The following MCF2L variants were observed in gnomAD, a reference collection of about 807,000 sequenced individuals.
MCF2L encodes MCF.2 cell line derived transforming sequence like.
Under a neutral mutation model 153.4 loss-of-function variants are expected in MCF2L, and 97 were observed. That is an observed-to-expected ratio of 0.63 (90% CI 0.54 to 0.75). The LOEUF is 0.75. Ranked by LOEUF, MCF2L falls within the 30% of genes least tolerant of loss-of-function variation. MCF2L has a pLI of 0.00. For missense variants in MCF2L, 1,347 were observed against 1,495.2 expected (o/e 0.90, Z 1.64); for synonymous variants, 659 against 632.2 (o/e 1.04, Z -0.64).
chr13:112,968,767 C>T, upstream of MCF2L: 2 of 1,358,100 alleles, frequency 1.5e-6, no homozygotes, highest in Non-Finnish European at 1.9e-6. Flanking sequence ...TGCACTCGCT[C>T]GGTCCACTCG....
intron 8 of MCF2L, 71 bp from the exon 9 acceptor site, chr13:113,069,988 A>G: frequency 9.5e-7 from 1 of 1,049,968 alleles, no homozygotes; most frequent in African/African-American, 1.6e-5. Flanking sequence ...GGTCGCTTGA[A>G]CACCCACCGC....
At chr13:112,994,288 G>C (rs983933219) in intron 1 of MCF2L, among the ~76,000 whole-genome samples, 1 of 152,050 alleles carries the variant, frequency 6.6e-6, no homozygotes, top group Non-Finnish European at 1.5e-5. Flanking sequence ...CGGCGTGACG[G>C]GGCGCGGCGC....
rs575654922 is a variant in MCF2L, at chr13:112,958,657, A to C, written c.170-56106A>C. Among the ~76,000 whole-genome samples, 204 of 152,244 alleles carry C rather than the reference A, an allele frequency of 1.3e-3. 1 individual carries two copies. The highest frequency in any genetic ancestry group is 4.8e-3 in the African/African-American group (198 of 41,512). On this transcript the variant is annotated intron_variant, in intron 2 of 29. Transcript: ENST00000375608. Reference sequence around the variant, plus strand: ...CCTGGCACACGCCCAGGCTGACCGCATGGACCATTTGCTGTCTCCTAGGGT... The same window carrying C: ...CCTGGCACACGCCCAGGCTGACCGCCTGGACCATTTGCTGTCTCCTAGGGT...
rs2081571279 is a variant in MCF2L at position 112,941,112 on chromosome 13, A to G, written c.169+38741A>G. ...TTTACCATCTTTTCCGCAGGGTCAG[A>G]GTGGCCATCGTGCTTATCACATAAA... On this transcript the variant is annotated intron_variant, in intron 2 of 29. Transcript: ENST00000375608. This position sits in a 1 kb window ranked among gnomAD's most constrained non-coding sequence, Gnocchi z 4.9. 6.6e-6 allele frequency among the ~76,000 whole-genome samples: 1 copy of G among 152,186 alleles called. No individual in the cohort carries two copies. Among genetic ancestry groups the G allele is most frequent in the East Asian group, 1.9e-4 (1 of 5,192 alleles).
chr13:112,943,943 G>A lies in MCF2L; in HGVS notation c.169+41572G>A, dbSNP rs1008441564. 1.2e-4 allele frequency among the ~76,000 whole-genome samples: 18 copies of A among 151,976 alleles called. No individual in the cohort carries two copies. The highest frequency in any genetic ancestry group is 3.4e-4 in the African/African-American group (14 of 41,400). On this transcript the variant is annotated intron_variant, in intron 2 of 29. Coordinates refer to the MCF2L transcript ENST00000375608. The surrounding 1 kb of genome is among the most constrained non-coding windows in gnomAD (Gnocchi z 4.2). ...CCAGCATTGAGGAGCTGAGCCCTGCGGGCCAGGGGCGCAGAGAGGGTCCCG... is the reference window on the plus strand; with the variant it reads ...CCAGCATTGAGGAGCTGAGCCCTGCAGGCCAGGGGCGCAGAGAGGGTCCCG...
At chr13:112,913,184 TTGTG>T (rs1211467407) in intron 2 of MCF2L, among the ~76,000 whole-genome samples, 9 of 138,566 alleles carry the variant, frequency 6.5e-5, no homozygotes, top group African/African-American at 2.4e-4. Flanking sequence ...GTCTGTGTGA[TTGTG>T]TGTGTGTCTG....
chr13:113,024,659 A>G lies in MCF2L; in HGVS notation c.179A>G (p.Asp60Gly), dbSNP rs982002885. ...CTCTCCCCAGGTGGGCGGGGGCAGGACGGAAGCCCGGTTATCACCTTCCCT... is the reference window on the plus strand; with the variant it reads ...CTCTCCCCAGGTGGGCGGGGGCAGGGCGGAAGCCCGGTTATCACCTTCCCT... ...FAYLSGGRGQ[D>G]GSPVITFPDY... Residue 60 changes from aspartate to glycine, a missense_variant, in exon 3 of 30, where the codon GAC (aspartate) becomes GGC (glycine). Coordinates refer to ENST00000535094, the MANE Select transcript of MCF2L (RefSeq NM_001112732.3). 1.9e-6 allele frequency: 3 copies of G among 1,613,750 alleles called. No individual in the cohort carries two copies. The highest frequency in any genetic ancestry group is 2.7e-5 in the African/African-American group (2 of 74,942).
chr13:112,919,212 T>G (rs2081328101), intron 2 of MCF2L, among the ~76,000 whole-genome samples: 1 of 148,638 alleles, frequency 6.7e-6, no homozygotes. Context: ...TGCATTTTTT[T>G]TTTTTTTTTT....
chr13:113,080,360 C>T (rs986921550), intron 15 of MCF2L, among the ~76,000 whole-genome samples: 6 of 152,242 alleles, frequency 3.9e-5, no homozygotes, highest in East Asian at 1.9e-4. Flanking sequence ...GGCCCTGAGA[C>T]GCAGAAGGAG....
rs192949527 is a variant in MCF2L at position 112,907,095 on chromosome 13, C to T, written c.169+4724C>T. ...AGCATGGATGATTCCATGGCTGGACCTAATACTTCCATGCTTTATGGTAGG... is the reference window on the plus strand; with the variant it reads ...AGCATGGATGATTCCATGGCTGGACTTAATACTTCCATGCTTTATGGTAGG... On this transcript the variant is annotated intron_variant, in intron 2 of 29. Transcript: ENST00000375608. The surrounding 1 kb of genome is among the most constrained non-coding windows in gnomAD (Gnocchi z 5.1). Among the ~76,000 whole-genome samples, 6 of 152,240 alleles carry T rather than the reference C, an allele frequency of 3.9e-5. No individual in the cohort carries two copies. In the East Asian group the frequency reaches 1.2e-3, roughly 30 times the overall value.
rs137892716 is a variant in MCF2L at position 112,993,076 on chromosome 13, G to A, written c.80-21687G>A. On this transcript the variant is annotated intron_variant, in intron 1 of 29. Transcript: ENST00000535094. The surrounding 1 kb of genome is among the most constrained non-coding windows in gnomAD (Gnocchi z 4.6). ...CGGCTCGCTGCCTTGAGAAGCTCCC[G>A]CTTCTGCAGTAAGGTGGCTTTTAAG... Among the ~76,000 whole-genome samples, 786 of 152,338 alleles carry A rather than the reference G, an allele frequency of 5.2e-3. 8 individuals are homozygous for A. The highest frequency in any genetic ancestry group is 7.5e-3 in the Non-Finnish European group (512 of 68,038).
chr13:112,985,987 C>T (rs2082623047), intron 1 of MCF2L, among the ~76,000 whole-genome samples: 1 of 152,250 alleles, frequency 6.6e-6, no homozygotes, highest in East Asian at 1.9e-4. Context: ...CTGTGAGCCC[C>T]GGCCACTCTT....
In MCF2L at chr13:112,943,719, GC is replaced by G. The variant is rs1407169654; in HGVS notation, c.169+41351del. Among the ~76,000 whole-genome samples, 1 of 152,118 alleles carries G rather than the reference GC, an allele frequency of 6.6e-6. No individual in the cohort carries two copies. Among genetic ancestry groups the G allele is most frequent in the East Asian group, 1.9e-4 (1 of 5,148 alleles). On this transcript the variant is annotated intron_variant, in intron 2 of 29. Transcript: ENST00000375608. This position sits in a 1 kb window ranked among gnomAD's most constrained non-coding sequence, Gnocchi z 4.2. ...TCCTGGAGGGACCACACCGCCGGGA[GC>G]CCGAGCAGCCTGCGGTGGCTCGGCT... is the stretch of plus-strand genomic sequence containing the variant.
intron 1 of MCF2L, among the ~76,000 whole-genome samples, 190 bp from the exon 2 acceptor site, chr13:113,014,570 TCAA>T (rs2084386000): frequency 6.6e-6 from 1 of 152,160 alleles, no homozygotes; most frequent in African/African-American, 2.4e-5. Flanking sequence ...GGTGAATCAC[TCAA>T]CACACAGCTT....
At chr13:112,919,987 C>T (rs1034952258) in intron 2 of MCF2L, among the ~76,000 whole-genome samples, 1 of 152,220 alleles carries the variant, frequency 6.6e-6, no homozygotes, top group Non-Finnish European at 1.5e-5. Flanking sequence ...AGGCACCCCT[C>T]CTCCATGAAA....
intron 2 of MCF2L, among the ~76,000 whole-genome samples, chr13:112,908,226 T>G (rs2081191882): frequency 6.6e-6 from 1 of 152,194 alleles, no homozygotes; most frequent in African/African-American, 2.4e-5. Flanking sequence ...GCACAGGTGC[T>G]CTGACTCACC....
exon 2 of MCF2L, chr13:112,902,324 T>C: frequency 6.2e-7 from 1 of 1,612,934 alleles, no homozygotes; most frequent in Non-Finnish European, 8.5e-7. Context: ...GTGTCTGACG[T>C]CATCAGGCTT....
chr13:113,090,430 T>TGGGGGGGG, intron 26 of MCF2L: 2 of 975,294 alleles, frequency 2.1e-6, no homozygotes, highest in Non-Finnish European at 2.4e-6. Context: ...CCCTCCTTCC[T>TGGGGGGGG]CTCCCTGCCC....
rs1236667694 is a variant in MCF2L at position 112,987,029 on chromosome 13, C to T, written c.79+17571C>T. Among the ~76,000 whole-genome samples the T allele has an allele frequency of 7.9e-5, 12 of 151,752 alleles. No homozygotes were observed. The South Asian group carries it at 1.9e-3, about 24-fold the overall frequency. ...GTGTCGGAGCTGGAGCACATGAGGT[C>T]GCGGGGCCACAGCCACCCTGGGCTG... is the stretch of plus-strand genomic sequence containing the variant. On this transcript the variant is annotated intron_variant, in intron 1 of 29. Transcript: ENST00000535094.
Sources: gnomAD v4.1 joint callset for allele counts (sites outside exome capture counted in the v4.1 genomes callset) on GRCh38, gnomAD v4.1.1 for gene constraint, Gnocchi (gnomAD v3.1) non-coding constraint, MANE v1.5 for transcripts, NCBI Gene and HGNC (gene_info 2026-07-23, HGNC 2026-07-21) for gene names.